The following STIMATE variants were observed in gnomAD, a reference collection of about 807,000 sequenced individuals.
The protein encoded by STIMATE is store-operated calcium entry regulator STIMATE.
In STIMATE, 15 loss-of-function variants were observed where a neutral mutation model predicts 36.7. The observed-to-expected ratio is 0.41, with a 90% CI of 0.27 to 0.63. The LOEUF is 0.63. STIMATE is among the 20% of genes least tolerant of loss of function. The pLI is 0.32. For missense variants in STIMATE, 305 were observed against 397.3 expected (o/e 0.77, Z 1.98); for synonymous variants, 163 against 162.3 (o/e 1.00, Z -0.03).
intron 1 of STIMATE, among the ~76,000 whole-genome samples, chr3:52,875,677 A>G (rs904611385): frequency 6.6e-6 from 1 of 152,228 alleles, no homozygotes; most frequent in Non-Finnish European, 1.5e-5. Flanking sequence ...TCAAGAGTTA[A>G]GTCCAGAAGC....
intron 1 of STIMATE, among the ~76,000 whole-genome samples, chr3:52,881,007 G>A: frequency 6.6e-6 from 1 of 152,012 alleles, no homozygotes. Flanking sequence ...TGACCAACAT[G>A]GTGAAACCCT....
intron 1 of STIMATE, among the ~76,000 whole-genome samples, chr3:52,858,245 T>A (rs1282810097): frequency 6.6e-6 from 1 of 152,232 alleles, no homozygotes. Flanking sequence ...GGCTATTCAT[T>A]ACACTATTAT....
At chr3:52,844,366 C>T (rs1361807607) in intron 5 of STIMATE, among the ~76,000 whole-genome samples, 1 of 152,242 alleles carries the variant, frequency 6.6e-6, no homozygotes, top group Non-Finnish European at 1.5e-5. Flanking sequence ...TTTATCTACA[C>T]AGAACTGGGG....
chr3:52,877,607 G>A (rs1701522018), intron 1 of STIMATE, among the ~76,000 whole-genome samples: 1 of 152,192 alleles, frequency 6.6e-6, no homozygotes, highest in African/African-American at 2.4e-5. Context: ...ACCTGTACAT[G>A]AAGTCTTGGA....
intron 7 of STIMATE, among the ~76,000 whole-genome samples, chr3:52,842,161 T>C (rs1054335038): frequency 2.6e-5 from 4 of 152,254 alleles, no homozygotes; most frequent in Admixed American, 6.5e-5. Context: ...TCAGCTTTTC[T>C]GCAGCTCCCA....
chr3:52,867,218 A>C (rs1701326746), intron 1 of STIMATE, among the ~76,000 whole-genome samples: 1 of 152,238 alleles, frequency 6.6e-6, no homozygotes, highest in Non-Finnish European at 1.5e-5. Flanking sequence ...ATTCAGTTAA[A>C]TATTTGTATT....
At chr3:52,859,022 T>G (rs1701156183) in intron 1 of STIMATE, among the ~76,000 whole-genome samples, 1 of 151,446 alleles carries the variant, frequency 6.6e-6, no homozygotes, top group Non-Finnish European at 1.5e-5. Flanking sequence ...CTTAGCTGGG[T>G]GTGGTGGCGC....
At chr3:52,897,253 C>T (rs1478793548) in intron 1 of STIMATE, 38 bp downstream of exon 1, 3 of 1,527,816 alleles carry the variant, frequency 2.0e-6, no homozygotes, top group Non-Finnish European at 2.6e-6. Flanking sequence ...GCGGCTGCCG[C>T]GCAGGGCCTC....
chr3:52,845,779 G>A (rs575025722), intron 4 of STIMATE, among the ~76,000 whole-genome samples: 5 of 152,160 alleles, frequency 3.3e-5, no homozygotes, highest in African/African-American at 4.8e-5. Context: ...AAGAACCCTA[G>A]GGTGGCTCCT....
chr3:52,853,730 G>A (rs142671984), intron 2 of STIMATE, among the ~76,000 whole-genome samples: 9 of 152,304 alleles, frequency 5.9e-5, no homozygotes, highest in South Asian at 4.1e-4. Flanking sequence ...AAAAATCAAC[G>A]GGGGGAAAAT....
chr3:52,846,960 G>C (rs935671113), intron 4 of STIMATE, among the ~76,000 whole-genome samples: 3 of 152,172 alleles, frequency 2.0e-5, no homozygotes, highest in African/African-American at 7.2e-5. Flanking sequence ...CTAGAGTGCA[G>C]GGGCATGAAC....
chr3:52,852,734 A>C (rs746132122), intron 2 of STIMATE, 36 bp from the exon 3 acceptor site: 3 of 1,608,466 alleles, frequency 1.9e-6, no homozygotes, highest in East Asian at 4.5e-5. Flanking sequence ...TATTAGCCTG[A>C]CAGGAGCGCA....
At chr3:52,847,287 C>T in intron 4 of STIMATE, 2 of 1,177,306 alleles carry the variant, frequency 1.7e-6, no homozygotes, top group Non-Finnish European at 2.1e-6. Context: ...ATTATTTCCT[C>T]AGTAGAAGTC....
intron 1 of STIMATE, among the ~76,000 whole-genome samples, chr3:52,877,866 C>T (rs545364935): frequency 9.0e-4 from 137 of 152,210 alleles, no homozygotes; most frequent in South Asian, 2.1e-4. Flanking sequence ...GAGGCTAAGG[C>T]GGGCAGATCA....
chr3:52,863,718 T>C (rs896243519), intron 1 of STIMATE, among the ~76,000 whole-genome samples: 1 of 152,158 alleles, frequency 6.6e-6, no homozygotes, highest in Non-Finnish European at 1.5e-5. Flanking sequence ...GCAAGCTAGT[T>C]ACTTCCTAGA....
intron 1 of STIMATE, among the ~76,000 whole-genome samples, chr3:52,883,925 G>C (rs1701649993): frequency 6.6e-6 from 1 of 152,010 alleles, no homozygotes; most frequent in Non-Finnish European, 1.5e-5. Flanking sequence ...CTGACTGTAG[G>C]CCACAATTTC....
At position 52,859,176 on chromosome 3, in the gene STIMATE, T is replaced by A. The variant is rs202033921; in HGVS notation, c.161-3732A>T. 5.5e-3 allele frequency among the ~76,000 whole-genome samples: 787 copies of A among 141,860 alleles called. 8 individuals are homozygous for A. The highest frequency in any genetic ancestry group is 0.016 in the African/African-American group (642 of 39,048). 93.1% of individuals were successfully genotyped at this position (141,860 alleles called of 152,430 possible). A position where few individuals can be genotyped will look rare whatever the true frequency, so the allele number is the denominator to read the frequency against. ...AGACTCCATCTCAAAAAAAATAAAA[T>A]AAATAAAATAAAATAAAATAAAATA... is the stretch of plus-strand genomic sequence containing the variant. On this transcript the variant is annotated intron_variant, in intron 1 of 7. Coordinates refer to ENST00000355083, the MANE Select transcript of STIMATE (RefSeq NM_198563.5).
chr3:52,852,316 G>A (rs1701015867), intron 3 of STIMATE, among the ~76,000 whole-genome samples: 1 of 152,148 alleles, frequency 6.6e-6, no homozygotes, highest in Non-Finnish European at 1.5e-5. Flanking sequence ...TTGGAAACTG[G>A]GAGACATAAG....
At chr3:52,874,841 C>T (rs2106708534) in intron 1 of STIMATE, among the ~76,000 whole-genome samples, 1 of 152,064 alleles carries the variant, frequency 6.6e-6, no homozygotes, top group East Asian at 1.9e-4. Flanking sequence ...GATTCTGTCT[C>T]AAAAAATAAT....
Sources: allele counts gnomAD v4.1 joint callset (sites outside exome capture counted in the v4.1 genomes callset), GRCh38; gene constraint gnomAD v4.1.1; transcripts MANE v1.5; gene names NCBI Gene and HGNC (gene_info 2026-07-23, HGNC 2026-07-21).